ARHGEF26: variants seen among roughly 807,000 people sequenced by gnomAD.
The protein encoded by ARHGEF26 is Rho guanine nucleotide exchange factor 26.
A neutral mutation model predicts 89.4 loss-of-function variants in ARHGEF26; 59 were observed. The observed-to-expected ratio is 0.66, with a 90% CI of 0.54 to 0.82. The LOEUF (loss-of-function observed/expected upper bound fraction) is 0.82, where lower values mean the gene tolerates loss of function less well. Ranked by LOEUF, ARHGEF26 falls within the 40% of genes least tolerant of loss-of-function variation. The pLI, the probability that ARHGEF26 is intolerant of heterozygous loss-of-function variation, is 0.00. For synonymous variants in ARHGEF26, 500 were observed against 428.4 expected (o/e 1.17, Z -2.06); for missense variants, 1,234 against 1,085.6 (o/e 1.14, Z -1.92).
rs946237400 is a variant in ARHGEF26 at position 154,179,777 on chromosome 3, G to C, written c.1488-7908G>C. On this transcript the variant is annotated intron_variant, in intron 6 of 14. Transcript: ENST00000465093. ...TGCAGATACTGGATGTTGGTTACTG[G>C]GAATGGAACAAGAGGTTAGAAGAGA... 8.5e-5 allele frequency among the ~76,000 whole-genome samples: 13 copies of C among 152,286 alleles called. No homozygotes were observed. The South Asian group carries it at 2.5e-3, about 29-fold the overall frequency.
chr3:154,187,723 T>C lies in ARHGEF26; in HGVS notation c.1526T>C (p.Ile509Thr), dbSNP rs759804204. 1.1e-5 allele frequency: 17 copies of C among 1,610,696 alleles called. No homozygotes were observed. In the African/African-American group the frequency reaches 2.0e-4, roughly 19 times the overall value. ...TTGGAAGCAAGACATCAGAATAATA[T>C]CTTCATAGATGACATAAGTGACATT... ...IELEARHQNNIFIDDISDIVE... is the reference protein window; with the variant it reads ...IELEARHQNNTFIDDISDIVE... Residue 509 changes from isoleucine (I) to threonine (T), a missense_variant, in exon 7 of 15, where the codon ATC becomes ACC. Ile to Thr is a moderately conservative substitution (Grantham distance 89, BLOSUM62 -1). Transcript: ENST00000465093.
chr3:154,256,286 G>A lies in ARHGEF26; in HGVS notation c.*813G>A. 2.0e-6 allele frequency: 2 copies of A among 979,748 alleles called. No individual in the cohort carries two copies. The highest frequency in any genetic ancestry group is 2.4e-6 in the Non-Finnish European group (2 of 824,956). 60.7% of individuals were successfully genotyped at this position (979,748 alleles called of 1,614,324 possible). On this transcript the variant is annotated 3_prime_UTR_variant, in exon 15 of 15. Coordinates refer to ENST00000465093, the MANE Select transcript of ARHGEF26 (RefSeq NM_015595.4). ...CGCCCAGGCTAGAGTATAGTGGTGT[G>A]ATCTTGGCCCACTGCAACCTCTGCT...
chr3:154,124,107 A>G (rs1407652925), intron 2 of ARHGEF26, among the ~76,000 whole-genome samples: 1 of 152,252 alleles, frequency 6.6e-6, no homozygotes, highest in Non-Finnish European at 1.5e-5. Context: ...GTTCAATTTA[A>G]CAGTGATGGT....
chr3:154,191,872 A>G (rs547871616), intron 8 of ARHGEF26, among the ~76,000 whole-genome samples: 1 of 152,196 alleles, frequency 6.6e-6, no homozygotes, highest in Non-Finnish European at 1.5e-5. Context: ...CTTCAGCATG[A>G]CAAGGCATAG....
In ARHGEF26 at chr3:154,149,464, G is replaced by T; in HGVS notation, c.1326+19G>T. 6.3e-7 allele frequency: 1 copy of T among 1,599,220 alleles called. No individual in the cohort carries two copies. The highest frequency in any genetic ancestry group is 1.7e-5 in the Admixed American group (1 of 58,364). On this transcript the variant is annotated intron_variant, in intron 5 of 14. Coordinates refer to ENST00000465093, the MANE Select transcript of ARHGEF26 (RefSeq NM_015595.4). ...ACAAGAGGTATGTTTCTACCGAGCAGCTGCTTTAGAGCTCTGGAGTGTGCA... is the reference window on the plus strand; with the variant it reads ...ACAAGAGGTATGTTTCTACCGAGCATCTGCTTTAGAGCTCTGGAGTGTGCA...
At chr3:154,133,850 T>A in intron 4 of ARHGEF26, among the ~76,000 whole-genome samples, 1 of 152,170 alleles carries the variant, frequency 6.6e-6, no homozygotes. Flanking sequence ...ATTTGTCCAT[T>A]TGTTTATGTC....
intron 12 of ARHGEF26, among the ~76,000 whole-genome samples, chr3:154,241,152 A>C (rs1378279219): frequency 2.0e-5 from 3 of 152,244 alleles, no homozygotes; most frequent in African/African-American, 7.2e-5. Context: ...CTTAGTTCTC[A>C]CATTGGATGA....
intron 9 of ARHGEF26, among the ~76,000 whole-genome samples, chr3:154,213,241 G>GTATATATA (rs750841371): frequency 0.13 from 18,883 of 145,248 alleles, 1,637 homozygotes; most frequent in South Asian, 0.25. Context: ...GTGTGTGTGT[G>GTATATATA]TATATATATA....
intron 6 of ARHGEF26, among the ~76,000 whole-genome samples, chr3:154,180,253 C>G (rs1025258215): frequency 3.3e-5 from 5 of 152,120 alleles, no homozygotes; most frequent in Non-Finnish European, 7.4e-5. Context: ...AACATATTCA[C>G]AGGACATGGA....
At chr3:154,216,020 A>G (rs991212115) in intron 9 of ARHGEF26, among the ~76,000 whole-genome samples, 1 of 152,176 alleles carries the variant, frequency 6.6e-6, no homozygotes, top group Non-Finnish European at 1.5e-5. Context: ...ATAACATAGG[A>G]AAAAAAGAGA....
intron 6 of ARHGEF26, among the ~76,000 whole-genome samples, chr3:154,159,272 C>G (rs1045058231): frequency 5.3e-5 from 8 of 152,104 alleles, no homozygotes. Flanking sequence ...AAGACCTTTG[C>G]AAGGTACTTG....
intron 9 of ARHGEF26, among the ~76,000 whole-genome samples, chr3:154,202,286 G>A (rs1447097162): frequency 6.6e-6 from 1 of 152,128 alleles, no homozygotes; most frequent in South Asian, 2.1e-4. Flanking sequence ...TCTTGTTTTT[G>A]TCAAGTTTGT....
At chr3:154,160,989 G>A (rs1473298364) in intron 6 of ARHGEF26, among the ~76,000 whole-genome samples, 1 of 152,058 alleles carries the variant, frequency 6.6e-6, no homozygotes, top group East Asian at 1.9e-4. Flanking sequence ...TGGACCAGGA[G>A]ACCCAGGACC....
intron 4 of ARHGEF26, among the ~76,000 whole-genome samples, chr3:154,131,952 T>C (rs1718704545): frequency 6.6e-6 from 1 of 152,260 alleles, no homozygotes; most frequent in South Asian, 2.1e-4. Context: ...ATGATATTGA[T>C]ATCATAGAAC....
At chr3:154,208,337 T>G (rs983949786) in intron 9 of ARHGEF26, among the ~76,000 whole-genome samples, 3 of 152,206 alleles carry the variant, frequency 2.0e-5, no homozygotes, top group Non-Finnish European at 4.4e-5. Context: ...GTGTGACCGC[T>G]ATCCTCAGCC....
chr3:154,171,372 A>G (rs1307375904), intron 6 of ARHGEF26, among the ~76,000 whole-genome samples: 4 of 152,206 alleles, frequency 2.6e-5, no homozygotes, highest in Admixed American at 6.5e-5. Flanking sequence ...ACACATCACT[A>G]TCACCTAAAG....
In ARHGEF26 at chr3:154,254,784, G is replaced by C. The variant is rs758884008; in HGVS notation, c.2433G>C (p.Gln811His). 6.2e-7 allele frequency: 1 copy of C among 1,613,870 alleles called. No homozygotes were observed. The highest frequency in any genetic ancestry group is 2.2e-5 in the East Asian group (1 of 44,866). ...TAKQPDELSL[Q>H]VADVVLIYQR... is the part of the protein sequence containing the mutation. ...AGCAGCCAGATGAACTCTCCCTGCA[G>C]GTGGCTGACGTCGTCCTCATCTATC... is the stretch of plus-strand genomic sequence containing the variant. Residue 811 changes from glutamine (Q) to histidine (H), a missense_variant, in exon 14 of 15, where the codon CAG (glutamine) becomes CAC (histidine). By Grantham distance (24) the Gln-to-His change is conservative (BLOSUM62 0). Transcript: ENST00000465093.
In ARHGEF26 at chr3:154,240,420, T is replaced by C. The variant is rs754983499; in HGVS notation, c.2141T>C (p.Val714Ala). The change falls in exon 12 of 15, where the codon GTG (valine) becomes GCG (alanine). Residue 714 changes from valine to alanine, a missense_variant. Val to Ala is a moderately conservative substitution (Grantham distance 64). Transcript: ENST00000465093. The stretch of plus-strand genomic sequence containing the variant: ...TATTCCTTAAGAGATCAGCTATTGG[T>C]GGAATCTTGTGACAATGAAGAGCTT... The part of the protein sequence containing the change: ...NDYSLRDQLL[V>A]ESCDNEELNS... 6.2e-7 allele frequency: 1 copy of C among 1,613,658 alleles called. No homozygotes were observed. Among genetic ancestry groups the C allele is most frequent in the East Asian group, 2.2e-5 (1 of 44,878 alleles).
chr3:154,174,587 G>A (rs1440551710), intron 6 of ARHGEF26, among the ~76,000 whole-genome samples: 1 of 152,104 alleles, frequency 6.6e-6, no homozygotes, highest in Non-Finnish European at 1.5e-5. Context: ...GAGGCATTGA[G>A]GAAATACAAT....
Sources: allele counts gnomAD v4.1 joint callset (sites outside exome capture counted in the v4.1 genomes callset), GRCh38; gene constraint gnomAD v4.1.1; transcripts MANE v1.5; gene names NCBI Gene and HGNC (gene_info 2026-07-23, HGNC 2026-07-21).